DVL3: variants seen among roughly 807,000 people sequenced by gnomAD.
The protein encoded by DVL3 is segment polarity protein dishevelled homolog DVL-3.
DVL3 carries 27 observed loss-of-function variants against 67.4 expected under a neutral mutation model. The ratio of observed to expected loss-of-function variants is 0.40; its 90% CI spans 0.30 to 0.55. The LOEUF (loss-of-function observed/expected upper bound fraction) is 0.55. Ranked by LOEUF, DVL3 falls within the 20% of genes least tolerant of loss-of-function variation. The pLI is 0.46. For synonymous variants in DVL3, 369 were observed against 396.8 expected (o/e 0.93, Z 0.83); for missense variants, 819 against 1,021.5 (o/e 0.80, Z 2.70).
Position 184,170,506 on chromosome 3 carries a change from C to T in DVL3, c.1902C>T (p.His634=), listed in dbSNP as rs762517786. 1.2e-6 allele frequency: 2 copies of T among 1,604,290 alleles called. No individual in the cohort carries two copies. The highest frequency in any genetic ancestry group is 1.7e-6 in the Non-Finnish European group (2 of 1,175,562). ...RSGPAASEHS[H]RSHHSLASSL... ...GGCCGGCGGCCAGCGAGCACAGCCACCGCAGCCACCATTCCCTGGCCAGCA... is the reference window on the plus strand; with the variant it reads ...GGCCGGCGGCCAGCGAGCACAGCCATCGCAGCCACCATTCCCTGGCCAGCA... Residue 634 remains histidine (H), a synonymous_variant, in exon 15 of 15, where the codon CAC becomes CAT. Coordinates refer to ENST00000313143, the MANE Select transcript of DVL3 (RefSeq NM_004423.4). The surrounding 1 kb of genome is among the most constrained non-coding windows in gnomAD (Gnocchi z 6.5).
Position 184,171,477 on chromosome 3 carries a change from T to G in DVL3, c.*722T>G. On this transcript the variant is annotated 3_prime_UTR_variant, in exon 15 of 15. Transcript: ENST00000313143. ...GCTGGTTCCTTCAGACCCCTAACCC[T>G]ACTAACCAGCAGGCTCATCTCACCT... The G allele has an allele frequency of 1.0e-6, 1 of 986,044 alleles. No individual in the cohort carries two copies. The highest frequency in any genetic ancestry group is 4.7e-5 in the South Asian group (1 of 21,308). 61.1% of individuals were successfully genotyped at this position (986,044 alleles called of 1,614,324 possible). A position where few individuals can be genotyped will look rare whatever the true frequency, so the allele number is the denominator to read the frequency against.
Position 184,167,834 on chromosome 3 carries a change from T to C in DVL3, c.1331-64T>C. 6.2e-7 allele frequency: 1 copy of C among 1,611,638 alleles called. No homozygotes were observed. Among genetic ancestry groups the C allele is most frequent in the Non-Finnish European group, 8.5e-7 (1 of 1,178,630 alleles). ...TGGAGCCAGCCCCAGCCTCATAGCT[T>C]CTGTGAGGCCAGATGAGTCCAAGTC... On this transcript the variant is annotated intron_variant, in intron 12 of 14. Coordinates refer to ENST00000313143, the MANE Select transcript of DVL3 (RefSeq NM_004423.4). This position sits in a 1 kb window ranked among gnomAD's most constrained non-coding sequence, Gnocchi z 4.6.
In DVL3 at chr3:184,164,443, G is replaced by T. The variant is rs779260249; in HGVS notation, c.354-49G>T. 6.7e-5 allele frequency: 108 copies of T among 1,600,762 alleles called. No individual in the cohort carries two copies. Among genetic ancestry groups the T allele is most frequent in the Non-Finnish European group, 8.8e-5 (103 of 1,173,592 alleles). Reference sequence around the variant, plus strand: ...GCATCAGTTCAGCCCAGGGCTGGGGGAGGGAGCCCCCAGCCTGCCCCCTCC... The same window carrying T: ...GCATCAGTTCAGCCCAGGGCTGGGGTAGGGAGCCCCCAGCCTGCCCCCTCC... On this transcript the variant is annotated intron_variant, in intron 3 of 14. Coordinates refer to ENST00000313143, the MANE Select transcript of DVL3 (RefSeq NM_004423.4). The surrounding 1 kb of genome is among the most constrained non-coding windows in gnomAD (Gnocchi z 5.3).
chr3:184,158,046 G>A (rs1339619951), intron 1 of DVL3, among the ~76,000 whole-genome samples: 1 of 152,160 alleles, frequency 6.6e-6, no homozygotes, highest in Non-Finnish European at 1.5e-5. Flanking sequence ...GTTTACAAAT[G>A]AAACTCTGTC....
In DVL3 at chr3:184,155,579, C is replaced by T. The variant is rs1297536399; in HGVS notation, c.-57C>T. ...CCGCGCGCCGCCGCCGTCTGGGAGG[C>T]TCGGCCCGGCCGCCCGAGCAGGCCG... On this transcript the variant is annotated 5_prime_UTR_variant, in exon 1 of 15. Coordinates refer to ENST00000313143, the MANE Select transcript of DVL3 (RefSeq NM_004423.4). This position sits in a 1 kb window ranked among gnomAD's most constrained non-coding sequence, Gnocchi z 5.4. 1 of 1,037,636 alleles carries T rather than the reference C, an allele frequency of 9.6e-7. No individual in the cohort carries two copies. Among genetic ancestry groups the T allele is most frequent in the Non-Finnish European group, 1.2e-6 (1 of 863,870 alleles). The allele number at this position is 1,037,636 out of a possible 1,614,324, so 64.3% of individuals were successfully genotyped here.
chr3:184,163,448 G>A lies in DVL3; in HGVS notation c.162-209G>A, dbSNP rs888716707. 1.3e-5 allele frequency among the ~76,000 whole-genome samples: 2 copies of A among 152,170 alleles called. No individual in the cohort carries two copies. The highest frequency in any genetic ancestry group is 2.9e-5 in the Non-Finnish European group (2 of 68,020). Reference sequence around the variant, plus strand: ...CCTGATGACTGAGAGGATGCCCCGGGAAGGTATCTGGCCTAGGCAGGGCTG... The same window carrying A: ...CCTGATGACTGAGAGGATGCCCCGGAAAGGTATCTGGCCTAGGCAGGGCTG... On this transcript the variant is annotated intron_variant, in intron 1 of 14. Coordinates refer to ENST00000313143, the MANE Select transcript of DVL3 (RefSeq NM_004423.4). This position sits in a 1 kb window ranked among gnomAD's most constrained non-coding sequence, Gnocchi z 4.5.
rs756068479 is a variant in DVL3 at position 184,170,016 on chromosome 3, C to A, written c.1509C>A (p.Asn503Lys). Residue 503 changes from asparagine (N) to lysine (K), a missense_variant, in exon 14 of 15, where the codon AAC becomes AAA. Asn to Lys is a moderately conservative substitution (Grantham distance 94, BLOSUM62 0). Coordinates refer to ENST00000313143, the MANE Select transcript of DVL3 (RefSeq NM_004423.4). This position sits in a 1 kb window ranked among gnomAD's most constrained non-coding sequence, Gnocchi z 6.5. ...IFGDLCGNMA[N>K]LSLHDHDGSS... ...CCCTCCCCTTCACAGACATGGCCAA[C>A]CTGTCTCTCCACGATCACGATGGCT... 69 of 1,606,148 alleles carry A rather than the reference C, an allele frequency of 4.3e-5. No individual in the cohort carries two copies. Among genetic ancestry groups the A allele is most frequent in the Non-Finnish European group, 5.3e-5 (62 of 1,174,652 alleles).
chr3:184,169,869 G>C (rs182069173), intron 13 of DVL3, 137 bp from the exon 14 acceptor site: 126 of 761,510 alleles, frequency 1.7e-4, no homozygotes, highest in Middle Eastern at 9.8e-4. Flanking sequence ...TCTGCAGAAG[G>C]GGGGAGCTCT....
Position 184,170,926 on chromosome 3 carries a change from A to C in DVL3, c.*171A>C, listed in dbSNP as rs771512631. ...CTGCGAGGGTGGGGTGCACCTACCG[A>C]TTGGCTCTGCAGCCCCCTAACCTGC... On this transcript the variant is annotated 3_prime_UTR_variant, in exon 15 of 15. Coordinates refer to ENST00000313143, the MANE Select transcript of DVL3 (RefSeq NM_004423.4). This position sits in a 1 kb window ranked among gnomAD's most constrained non-coding sequence, Gnocchi z 6.5. The C allele has an allele frequency of 1.0e-5, 16 of 1,536,992 alleles. No individual in the cohort carries two copies. The South Asian group carries it at 1.7e-4, about 16-fold the overall frequency.
In DVL3 at chr3:184,170,489, G is replaced by A. The variant is rs765815457; in HGVS notation, c.1885G>A (p.Ala629Thr). 83 of 1,596,090 alleles carry A rather than the reference G, an allele frequency of 5.2e-5. No homozygotes were observed. In the South Asian group the frequency reaches 8.6e-4, roughly 17 times the overall value. Residue 629 changes from alanine (A) to threonine (T), a missense_variant, in exon 15 of 15, where the codon GCC becomes ACC. Transcript: ENST00000313143. The surrounding 1 kb of genome is among the most constrained non-coding windows in gnomAD (Gnocchi z 6.5). Reference sequence around the variant, plus strand: ...GCCCAGCGAGCGCTCAGGGCCGGCGGCCAGCGAGCACAGCCACCGCAGCCA... The same window carrying A: ...GCCCAGCGAGCGCTCAGGGCCGGCGACCAGCGAGCACAGCCACCGCAGCCA... ...RAPSERSGPA[A>T]SEHSHRSHHS...
Position 184,170,329 on chromosome 3 carries a change from C to A in DVL3, c.1725C>A (p.Ser575Arg). Residue 575 changes from serine to arginine, a missense_variant, in exon 15 of 15, where the codon AGC becomes AGA. Coordinates refer to ENST00000313143, the MANE Select transcript of DVL3 (RefSeq NM_004423.4). The surrounding 1 kb of genome is among the most constrained non-coding windows in gnomAD (Gnocchi z 6.5). The part of the protein sequence containing the change: ...ASSQHSEGSR[S>R]SGSNRSGSDR... Reference sequence around the variant, plus strand: ...GTTTGCCTCCTACAGGCAGTCGGAGCAGTGGCTCCAACCGTAGCGGCAGCG... The same window carrying A: ...GTTTGCCTCCTACAGGCAGTCGGAGAAGTGGCTCCAACCGTAGCGGCAGCG... The A allele has an allele frequency of 6.2e-7, 1 of 1,602,128 alleles. No individual in the cohort carries two copies. The highest frequency in any genetic ancestry group is 1.3e-5 in the African/African-American group (1 of 74,834).
chr3:184,165,260 A>G lies in DVL3; in HGVS notation c.693+54A>G, dbSNP rs1714540652. ...TGGAGGCAGATTGTGAGCCCTTCCT[A>G]CGCAGGGCCAAGGCTTGTTCTTCCT... On this transcript the variant is annotated intron_variant, in intron 6 of 14. Coordinates refer to ENST00000313143, the MANE Select transcript of DVL3 (RefSeq NM_004423.4). The surrounding 1 kb of genome is among the most constrained non-coding windows in gnomAD (Gnocchi z 4.1). 6.4e-7 allele frequency: 1 copy of G among 1,554,630 alleles called. No individual in the cohort carries two copies. Among genetic ancestry groups the G allele is most frequent in the East Asian group, 2.3e-5 (1 of 44,352 alleles).
Position 184,166,605 on chromosome 3 carries a change from G to T in DVL3, c.981-1G>T, listed in dbSNP as rs1419800019. 6.2e-7 allele frequency: 1 copy of T among 1,614,078 alleles called. No homozygotes were observed. Among genetic ancestry groups the T allele is most frequent in the Non-Finnish European group, 8.5e-7 (1 of 1,180,046 alleles). ...CTTCACTAGGACACCCTTGTTTTCA[G>T]GCCCATCACCCTGACTGTAGCCAAG... On this transcript the variant is annotated splice_acceptor_variant, in intron 9 of 14. Transcript: ENST00000313143. LOFTEE classifies it high-confidence loss of function. This position sits in a 1 kb window ranked among gnomAD's most constrained non-coding sequence, Gnocchi z 6.7.
At position 184,171,751 on chromosome 3, in the gene DVL3, T is replaced by G. The variant is rs1220492776; in HGVS notation, c.*996T>G. On this transcript the variant is annotated 3_prime_UTR_variant, in exon 15 of 15. Transcript: ENST00000313143. Reference sequence around the variant, plus strand: ...GGGAGGGCCCAACTTCACCCATGCATGAGAGACTCTCCTCCTTTCCAGAGA... The same window carrying G: ...GGGAGGGCCCAACTTCACCCATGCAGGAGAGACTCTCCTCCTTTCCAGAGA... 4.3e-5 allele frequency: 11 copies of G among 256,368 alleles called. No individual in the cohort carries two copies. In the Admixed American group the frequency reaches 7.2e-4, roughly 17 times the overall value. 15.9% of individuals were successfully genotyped at this position (256,368 alleles called of 1,614,324 possible).
chr3:184,163,805 C>G lies in DVL3; in HGVS notation c.231+79C>G. 7.5e-7 allele frequency: 1 copy of G among 1,326,636 alleles called. No homozygotes were observed. Among genetic ancestry groups the G allele is most frequent in the Admixed American group, 1.8e-5 (1 of 55,526 alleles). 82.2% of individuals were successfully genotyped at this position (1,326,636 alleles called of 1,614,324 possible). A position where few individuals can be genotyped will look rare whatever the true frequency, so the allele number is the denominator to read the frequency against. ...GGGAAAGGCATCACTGAGATTGTAG[C>G]TGGTGGTTTTAAGCTTCAGTATCTG... On this transcript the variant is annotated intron_variant, in intron 2 of 14. Transcript: ENST00000313143. The surrounding 1 kb of genome is among the most constrained non-coding windows in gnomAD (Gnocchi z 4.5).
rs1185627064 is a variant in DVL3, at chr3:184,166,608, C to T, written c.983C>T (p.Pro328Leu). 6.2e-7 allele frequency: 1 copy of T among 1,614,010 alleles called. No individual in the cohort carries two copies. The highest frequency in any genetic ancestry group is 8.5e-7 in the Non-Finnish European group (1 of 1,180,042). ...VLREIVHKPG[P>L]ITLTVAKCWD... is the part of the protein sequence containing the mutation. ...CACTAGGACACCCTTGTTTTCAGGC[C>T]CATCACCCTGACTGTAGCCAAGTGC... Residue 328 changes from proline (P) to leucine (L), a missense_variant and splice_region_variant, in exon 10 of 15, where the codon CCC becomes CTC. Physicochemically the swap from Pro to Leu is moderately conservative, Grantham distance 98. Transcript: ENST00000313143. The surrounding 1 kb of genome is among the most constrained non-coding windows in gnomAD (Gnocchi z 6.7).
Position 184,166,332 on chromosome 3 carries a change from T to C in DVL3, c.903+67T>C, listed in dbSNP as rs542811108. On this transcript the variant is annotated intron_variant, in intron 8 of 14. Transcript: ENST00000313143. This position sits in a 1 kb window ranked among gnomAD's most constrained non-coding sequence, Gnocchi z 6.7. ...GGGAGGTGTCCTACCATCTGTACCC[T>C]GCTCCTTCAGAGGCCCCTTCTTGGT... The C allele has an allele frequency of 1.9e-6, 3 of 1,606,964 alleles. No homozygotes were observed. Among genetic ancestry groups the C allele is most frequent in the Admixed American group, 1.7e-5 (1 of 59,618 alleles).
At chr3:184,159,851 A>G (rs964389851) in intron 1 of DVL3, among the ~76,000 whole-genome samples, 1 of 152,200 alleles carries the variant, frequency 6.6e-6, no homozygotes, top group Non-Finnish European at 1.5e-5. Flanking sequence ...GAAAACCTAC[A>G]ATAGCAAGCT....
rs942828562 is a variant in DVL3, at chr3:184,165,873, G to A, written c.764-253G>A. Among the ~76,000 whole-genome samples, 1 of 152,188 alleles carries A rather than the reference G, an allele frequency of 6.6e-6. No homozygotes were observed. Among genetic ancestry groups the A allele is most frequent in the African/African-American group, 2.4e-5 (1 of 41,452 alleles). The stretch of plus-strand genomic sequence containing the variant: ...AAATCTGAGTTTGATTCCTGGCTCT[G>A]CCACTTACTGGCTTAGAAAAGTCAT... On this transcript the variant is annotated intron_variant, in intron 7 of 14. Transcript: ENST00000313143. The surrounding 1 kb of genome is among the most constrained non-coding windows in gnomAD (Gnocchi z 4.1).
Sources: allele counts gnomAD v4.1 joint callset (sites outside exome capture counted in the v4.1 genomes callset), GRCh38; gene constraint gnomAD v4.1.1; non-coding constraint Gnocchi (gnomAD v3.1); transcripts MANE v1.5; gene names NCBI Gene and HGNC (gene_info 2026-07-23, HGNC 2026-07-21).